IFT81: variants seen among roughly 807,000 people sequenced by gnomAD.
IFT81 encodes intraflagellar transport 81.
Under a neutral mutation model 102.6 loss-of-function variants are expected in IFT81, and 72 were observed. The observed-to-expected ratio is 0.70, with a 90% CI of 0.58 to 0.85. The LOEUF is 0.85. Among genes scored for constraint, IFT81 ranks in the 40% least tolerant of loss-of-function variants. IFT81 has a pLI of 0.00. For missense variants in IFT81, 723 were observed against 787.3 expected, an observed-to-expected ratio of 0.92 and a Z score of 0.98; for synonymous variants, 237 against 242.7, an observed-to-expected ratio of 0.98 and a Z score of 0.22.
chr12:110,187,374 C>T (rs1276795537), intron 12 of IFT81, among the ~76,000 whole-genome samples: 2 of 152,088 alleles, frequency 1.3e-5, no homozygotes, highest in African/African-American at 4.8e-5. Context: ...AGTGATTCTC[C>T]CACCTCAGCC....
At chr12:110,173,261 G>A (rs555699646) in intron 11 of IFT81, among the ~76,000 whole-genome samples, 1 of 148,942 alleles carries the variant, frequency 6.7e-6, no homozygotes, top group South Asian at 2.1e-4. Flanking sequence ...GGGAGGTGAG[G>A]GGCGCCTCTG....
intron 12 of IFT81, among the ~76,000 whole-genome samples, chr12:110,182,872 G>A (rs1480521087): frequency 2.6e-5 from 4 of 152,092 alleles, no homozygotes; most frequent in Admixed American, 6.6e-5. Flanking sequence ...ATCATGGTTC[G>A]TGGTGACACC....
At chr12:110,142,274 C>T (rs1484111518) in intron 8 of IFT81, among the ~76,000 whole-genome samples, 1 of 152,014 alleles carries the variant, frequency 6.6e-6, no homozygotes, top group African/African-American at 2.4e-5. Context: ...TTCAAGCGAT[C>T]CTTGTTCCTC....
chr12:110,212,698 A>G (rs1241726281), intron 18 of IFT81, among the ~76,000 whole-genome samples: 2 of 151,226 alleles, frequency 1.3e-5, no homozygotes, highest in Middle Eastern at 3.2e-3. Flanking sequence ...ACTAGCTGGC[A>G]TGGTGGCAGG....
rs755626278 is a variant in IFT81 at position 110,127,515 on chromosome 12, T to C, written c.135T>C (p.Ile45=). 6.3e-7 allele frequency: 1 copy of C among 1,596,952 alleles called. No individual in the cohort carries two copies. The highest frequency in any genetic ancestry group is 8.5e-7 in the Non-Finnish European group (1 of 1,175,058). ...LQVLSDVLAE[I]DPKQLVDIRE... ...TTCTCAGTGATGTTCTGGCTGAGAT[T>C]GACCCAAAGGTAAGAGTTTTCTCTT... The change falls in exon 2 of 19, where the codon ATT becomes ATC. Residue 45 remains isoleucine (I), a synonymous_variant. Coordinates refer to ENST00000242591, the MANE Select transcript of IFT81 (RefSeq NM_014055.4).
chr12:110,176,224 C>G (rs889769203), intron 11 of IFT81, among the ~76,000 whole-genome samples: 10 of 152,196 alleles, frequency 6.6e-5, no homozygotes, highest in African/African-American at 2.4e-4. Flanking sequence ...GCCTCCTGGT[C>G]CACACTTCTG....
intron 11 of IFT81, 99 bp downstream of exon 11, chr12:110,163,164 C>T (rs927041487): frequency 4.6e-5 from 38 of 819,816 alleles, no homozygotes; most frequent in South Asian, 1.7e-4. Context: ...AATATTGGGA[C>T]GTTAATCTTA....
chr12:110,155,372 G>A (rs562693519), intron 10 of IFT81, among the ~76,000 whole-genome samples: 11 of 152,094 alleles, frequency 7.2e-5, no homozygotes, highest in South Asian at 6.2e-4. Flanking sequence ...GTACAATGGC[G>A]CGATCTCAGC....
In IFT81 at chr12:110,176,950, G is replaced by C. The variant is rs532239242; in HGVS notation, c.1189-3472G>C. Among the ~76,000 whole-genome samples the C allele has an allele frequency of 2.0e-5, 3 of 152,328 alleles. No individual in the cohort carries two copies. The South Asian group carries it at 6.2e-4, about 32-fold the overall frequency. The stretch of plus-strand genomic sequence containing the variant: ...CAGAGGATAGCAGATGAACAGGGTT[G>C]ATTTCATTTTGGGCACTTTGCCCAG... On this transcript the variant is annotated intron_variant, in intron 11 of 18. Coordinates refer to ENST00000242591, the MANE Select transcript of IFT81 (RefSeq NM_014055.4).
chr12:110,140,216 C>T (rs1263238287), intron 8 of IFT81, among the ~76,000 whole-genome samples: 3 of 152,136 alleles, frequency 2.0e-5, no homozygotes, highest in Non-Finnish European at 2.9e-5. Flanking sequence ...AACCTGTCAT[C>T]TAGGTTTTAA....
chr12:110,145,571 G>A (rs1895173955), intron 9 of IFT81, among the ~76,000 whole-genome samples: 1 of 150,724 alleles, frequency 6.6e-6, no homozygotes, highest in Non-Finnish European at 1.5e-5. Flanking sequence ...CCAGTAGCTG[G>A]AATTACAGGC....
intron 13 of IFT81, 60 bp downstream of exon 13, chr12:110,191,108 G>C: frequency 7.1e-7 from 1 of 1,412,970 alleles, no homozygotes; most frequent in South Asian, 1.4e-5. Context: ...GGTGTTTTGT[G>C]TTAGTTTTAT....
At chr12:110,197,002 C>T (rs1198705665) in intron 14 of IFT81, among the ~76,000 whole-genome samples, 1 of 151,968 alleles carries the variant, frequency 6.6e-6, no homozygotes, top group African/African-American at 2.4e-5. Context: ...ATTTCAATAC[C>T]AGCCTCGGCA....
chr12:110,146,064 A>T (rs931429812), intron 9 of IFT81, among the ~76,000 whole-genome samples: 3 of 152,120 alleles, frequency 2.0e-5, no homozygotes, highest in Admixed American at 6.6e-5. Flanking sequence ...CACCCGCCTC[A>T]GCCTCCCAAA....
At chr12:110,166,945 G>A (rs1398726023) in intron 11 of IFT81, among the ~76,000 whole-genome samples, 1 of 151,908 alleles carries the variant, frequency 6.6e-6, no homozygotes, top group African/African-American at 2.4e-5. Context: ...GGAACATAAT[G>A]TTAATTTGCG....
chr12:110,186,610 C>T (rs1362021238), intron 12 of IFT81, among the ~76,000 whole-genome samples: 6 of 151,834 alleles, frequency 4.0e-5, no homozygotes, highest in Admixed American at 1.3e-4. Flanking sequence ...ACTTCCTGGG[C>T]TCAGGCGATT....
At chr12:110,144,860 T>C (rs1310070426) in intron 9 of IFT81, among the ~76,000 whole-genome samples, 2 of 136,802 alleles carry the variant, frequency 1.5e-5, no homozygotes, top group Non-Finnish European at 3.1e-5. Context: ...TCAGGTGCAG[T>C]GCCTTTTTTT....
chr12:110,189,420 C>G (rs1332037836), intron 12 of IFT81, among the ~76,000 whole-genome samples: 1 of 152,116 alleles, frequency 6.6e-6, no homozygotes, highest in Non-Finnish European at 1.5e-5. Flanking sequence ...GCAGTCTCGG[C>G]TCACTGCAAG....
chr12:110,195,380 G>T (rs1197137562), intron 14 of IFT81, among the ~76,000 whole-genome samples: 1 of 151,762 alleles, frequency 6.6e-6, no homozygotes, highest in Non-Finnish European at 1.5e-5. Flanking sequence ...CTCTCCTCTA[G>T]CACCTGATTT....
Sources: allele counts gnomAD v4.1 joint callset (sites outside exome capture counted in the v4.1 genomes callset), GRCh38; gene constraint gnomAD v4.1.1; transcripts MANE v1.5; gene names NCBI Gene and HGNC (gene_info 2026-07-23, HGNC 2026-07-21).